The following PRKG1 variants were observed in gnomAD, a reference collection of about 807,000 sequenced individuals.
The protein encoded by PRKG1 is protein kinase cGMP-dependent 1.
Under a neutral mutation model 88.1 loss-of-function variants are expected in PRKG1, and 35 were observed. That is an observed-to-expected ratio of 0.40 (90% CI 0.30 to 0.53). PRKG1 has a LOEUF of 0.53. Ranked by LOEUF, PRKG1 falls within the 20% of genes least tolerant of loss-of-function variation. The pLI, the probability that PRKG1 is intolerant of heterozygous loss-of-function variation, is 0.59. For missense variants in PRKG1, 540 were observed against 839.8 expected, an observed-to-expected ratio of 0.64 and a Z score of 4.41; for synonymous variants, 303 against 292.5, an observed-to-expected ratio of 1.04 and a Z score of -0.37.
In PRKG1 at chr10:51,255,958, A is replaced by T. The variant is rs963734451; in HGVS notation, c.478+102628A>T. Among the ~76,000 whole-genome samples the T allele has an allele frequency of 5.3e-5, 8 of 152,114 alleles. No individual in the cohort carries two copies. The South Asian group carries it at 1.7e-3, about 32-fold the overall frequency. On this transcript the variant is annotated intron_variant, in intron 2 of 17. Transcript: ENST00000373980. ...TGAGGGAAATAAGGGCCCAGAGAAG[A>T]CTTCTAATGGGTCCAGATCACAAAC...
chr10:51,409,822 C>T (rs574509767), intron 2 of PRKG1, among the ~76,000 whole-genome samples: 1 of 138,324 alleles, frequency 7.2e-6, no homozygotes, highest in East Asian at 2.2e-4. Context: ...CCACTGCACT[C>T]CAGCCTGGCA....
At chr10:51,528,783 C>T (rs1239228126) in intron 3 of PRKG1, among the ~76,000 whole-genome samples, 2 of 151,842 alleles carry the variant, frequency 1.3e-5, no homozygotes, top group Non-Finnish European at 2.9e-5. Flanking sequence ...GATTCCTAAC[C>T]CTTAGAAAGT....
intron 3 of PRKG1, among the ~76,000 whole-genome samples, chr10:51,781,795 A>C (rs984040783): frequency 3.9e-5 from 6 of 152,254 alleles, no homozygotes; most frequent in Middle Eastern, 3.4e-3. Context: ...GGGAGTTAGA[A>C]GTCCCTGTAA....
At chr10:51,065,687 G>GT (rs1447687015) in intron 1 of PRKG1, among the ~76,000 whole-genome samples, 1 of 151,962 alleles carries the variant, frequency 6.6e-6, no homozygotes, top group Non-Finnish European at 1.5e-5. Flanking sequence ...ATAAATAATT[G>GT]TTGACTGTAT....
In PRKG1 at chr10:51,074,717, C is replaced by A; in HGVS notation, c.127C>A (p.Gln43Lys). 1 of 1,613,992 alleles carries A rather than the reference C, an allele frequency of 6.2e-7. No homozygotes were observed. Among genetic ancestry groups the A allele is most frequent in the Non-Finnish European group, 8.5e-7 (1 of 1,179,928 alleles). Residue 43 changes from glutamine to lysine, a missense_variant, in exon 1 of 18, where the codon CAG becomes AAG. Coordinates refer to ENST00000373980, the MANE Select transcript of PRKG1 (RefSeq NM_006258.4). The stretch of plus-strand genomic sequence containing the variant: ...GAAGGACGAACTGATCCAGAAGCTG[C>A]AGAACGAGCTGGACAAGTACCGCTC... ...DQKDELIQKL[Q>K]NELDKYRSVI...
intron 3 of PRKG1, among the ~76,000 whole-genome samples, chr10:51,499,203 G>A (rs138567556): frequency 6.6e-6 from 1 of 152,180 alleles, no homozygotes; most frequent in Non-Finnish European, 1.5e-5. Context: ...TGCAGAAGGG[G>A]TCAGTGCTGT....
chr10:52,121,122 G>A (rs1847810545), intron 7 of PRKG1, among the ~76,000 whole-genome samples: 1 of 152,200 alleles, frequency 6.6e-6, no homozygotes, highest in East Asian at 1.9e-4. Flanking sequence ...TGGCCCAGGA[G>A]TGCTGCATTG....
intron 3 of PRKG1, among the ~76,000 whole-genome samples, chr10:51,710,369 T>A (rs1841714220): frequency 6.6e-6 from 1 of 152,240 alleles, no homozygotes; most frequent in Non-Finnish European, 1.5e-5. Flanking sequence ...TGAAAGATTT[T>A]TTTTTTCTTT....
chr10:52,276,973 A>C (rs1007895486), intron 12 of PRKG1, among the ~76,000 whole-genome samples: 5 of 152,166 alleles, frequency 3.3e-5, no homozygotes, highest in Non-Finnish European at 7.3e-5. Flanking sequence ...TTTTCATTTA[A>C]TTTTCAAAAT....
rs114595760 is a variant in PRKG1 at position 51,578,372 on chromosome 10, T to C, written c.592+110536T>C. Among the ~76,000 whole-genome samples, 702 of 152,266 alleles carry C rather than the reference T, an allele frequency of 4.6e-3. 7 individuals carry two copies. Among genetic ancestry groups the C allele is most frequent in the African/African-American group, 0.016 (660 of 41,576 alleles). Reference sequence around the variant, plus strand: ...TCATACTCATAATTTTTTCTAAAGATAATCATTTTTCCTTGTCATTTTCTG... The same window carrying C: ...TCATACTCATAATTTTTTCTAAAGACAATCATTTTTCCTTGTCATTTTCTG... On this transcript the variant is annotated intron_variant, in intron 3 of 17. Transcript: ENST00000373980.
intron 2 of PRKG1, among the ~76,000 whole-genome samples, chr10:51,372,526 C>T (rs937174763): frequency 6.6e-6 from 1 of 152,228 alleles, no homozygotes; most frequent in East Asian, 1.9e-4. Context: ...CTGTCTAGAA[C>T]TTCTGCTACT....
At chr10:51,730,372 G>A (rs1842243267) in intron 3 of PRKG1, among the ~76,000 whole-genome samples, 1 of 152,204 alleles carries the variant, frequency 6.6e-6, no homozygotes. Context: ...AATGACAATT[G>A]AAAATGTAGT....
chr10:52,071,330 T>C (rs1044687246), intron 7 of PRKG1, among the ~76,000 whole-genome samples: 1 of 152,138 alleles, frequency 6.6e-6, no homozygotes, highest in African/African-American at 2.4e-5. Context: ...TAGTGTCTAT[T>C]GTTCCCATGA....
intron 1 of PRKG1, among the ~76,000 whole-genome samples, chr10:51,100,105 G>T (rs958352849): frequency 6.6e-6 from 1 of 152,044 alleles, no homozygotes; most frequent in African/African-American, 2.4e-5. Context: ...TGTTGCCCAG[G>T]TTGGTCCTGA....
intron 3 of PRKG1, among the ~76,000 whole-genome samples, chr10:51,706,244 A>G (rs949601715): frequency 6.6e-6 from 1 of 152,236 alleles, no homozygotes; most frequent in African/African-American, 2.4e-5. Flanking sequence ...TAGTGTATTT[A>G]ATATGAAACA....
intron 2 of PRKG1, among the ~76,000 whole-genome samples, chr10:51,413,177 T>C (rs1046513612): frequency 1.5e-4 from 23 of 152,222 alleles, no homozygotes; most frequent in African/African-American, 5.1e-4. Flanking sequence ...TACATTTCTC[T>C]GCATCTTGAA....
intron 4 of PRKG1, among the ~76,000 whole-genome samples, chr10:51,817,925 A>C (rs1475053614): frequency 6.6e-6 from 1 of 152,164 alleles, no homozygotes; most frequent in African/African-American, 2.4e-5. Flanking sequence ...TGCTTCTTAA[A>C]GGTAAGACTT....
chr10:51,257,278 G>A (rs184195320), intron 2 of PRKG1, among the ~76,000 whole-genome samples: 1 of 151,992 alleles, frequency 6.6e-6, no homozygotes, highest in East Asian at 1.9e-4. Flanking sequence ...ACGTGCAAAT[G>A]CATTTTAAGT....
intron 3 of PRKG1, among the ~76,000 whole-genome samples, chr10:51,795,577 A>C (rs926027328): frequency 6.6e-6 from 1 of 152,086 alleles, no homozygotes; most frequent in Non-Finnish European, 1.5e-5. Context: ...TGCCTTAATA[A>C]TGTTGGGAAG....
Sources: allele counts gnomAD v4.1 joint callset (sites outside exome capture counted in the v4.1 genomes callset), GRCh38; gene constraint gnomAD v4.1.1; transcripts MANE v1.5; gene names NCBI Gene and HGNC (gene_info 2026-07-23, HGNC 2026-07-21).